ITPR2: variants seen among roughly 807,000 people sequenced by gnomAD.
ITPR2 encodes the protein inositol 1,4,5-trisphosphate-gated calcium channel ITPR2.
ITPR2 carries 207 observed loss-of-function variants against 317.1 expected under a neutral mutation model. That is an observed-to-expected ratio of 0.65 (90% CI 0.58 to 0.73). ITPR2 has a LOEUF of 0.73. Ranked by LOEUF, ITPR2 falls within the 30% of genes least tolerant of loss-of-function variation. ITPR2 has a pLI of 0.00. For synonymous variants in ITPR2, 1,156 were observed against 1,149.1 expected (o/e 1.01, Z -0.12); for missense variants, 2,613 against 3,284.0 (o/e 0.80, Z 4.99).
chr12:26,658,269 G>A (rs1947419288), intron 16 of ITPR2, 139 bp from the exon 17 acceptor site: 2 of 490,488 alleles, frequency 4.1e-6, no homozygotes, highest in South Asian at 6.2e-5. Context: ...TTTGTCTAAT[G>A]TGTTGTTTAT....
chr12:26,502,575 G>A (rs1164533595), intron 37 of ITPR2, among the ~76,000 whole-genome samples: 5 of 152,152 alleles, frequency 3.3e-5, no homozygotes, highest in Admixed American at 2.6e-4. Context: ...TGTCAGTGCA[G>A]GCGTGTGCAT....
At position 26,391,555 on chromosome 12, in the gene ITPR2, C is replaced by CTTTTTTTTTTTTT. The variant is rs1491173931; in HGVS notation, c.7697-3962_7697-3961insAAAAAAAAAAAAA. 1.8e-3 allele frequency among the ~76,000 whole-genome samples: 127 copies of CTTTTTTTTTTTTT among 70,854 alleles called. 32 individuals are homozygous for CTTTTTTTTTTTTT. Among genetic ancestry groups the CTTTTTTTTTTTTT allele is most frequent in the African/African-American group, 2.8e-3 (52 of 18,640 alleles). The allele number at this position is 70,854 out of a possible 152,430, so 46.5% of individuals were successfully genotyped here. A position where few individuals can be genotyped will look rare whatever the true frequency, so the allele number is the denominator to read the frequency against. Reference sequence around the variant, plus strand: ...AGCTTCTTCTTCTTCTTCTTCTTTTCCTTTTTTTTTTTTTTTTTTTTTTTT... The same window carrying CTTTTTTTTTTTTT: ...AGCTTCTTCTTCTTCTTCTTCTTTTCTTTTTTTTTTTTTCTTTTTTTTTTTTTTTTTTTTTTTT... On this transcript the variant is annotated intron_variant, in intron 54 of 56. Transcript: ENST00000381340.
At chr12:26,396,684 T>G (rs557393941) in intron 54 of ITPR2, among the ~76,000 whole-genome samples, 6 of 152,228 alleles carry the variant, frequency 3.9e-5, no homozygotes, top group Admixed American at 3.9e-4. Flanking sequence ...AGTTATAGTC[T>G]CCAGCGAAGA....
chr12:26,745,602 A>G (rs1949308005), intron 2 of ITPR2, among the ~76,000 whole-genome samples: 1 of 152,236 alleles, frequency 6.6e-6, no homozygotes, highest in Non-Finnish European at 1.5e-5. Flanking sequence ...CAAATTCCTC[A>G]CTTACCAAAG....
chr12:26,519,853 C>T (rs191663160), intron 37 of ITPR2, among the ~76,000 whole-genome samples: 5 of 151,958 alleles, frequency 3.3e-5, no homozygotes, highest in African/African-American at 7.2e-5. Context: ...GCAAAATCAA[C>T]GAGATATATT....
intron 55 of ITPR2, among the ~76,000 whole-genome samples, chr12:26,352,055 C>T (rs1028620494): frequency 1.3e-5 from 2 of 152,138 alleles, no homozygotes; most frequent in Non-Finnish European, 2.9e-5. Context: ...ATCTGAAGCT[C>T]CTTCCTGTAT....
chr12:26,589,660 G>T (rs942408574), intron 32 of ITPR2, among the ~76,000 whole-genome samples: 2 of 149,510 alleles, frequency 1.3e-5, no homozygotes, highest in African/African-American at 4.9e-5. Flanking sequence ...GGTGGCGGGG[G>T]CCTATACTCC....
intron 31 of ITPR2, among the ~76,000 whole-genome samples, 159 bp downstream of exon 31, chr12:26,596,724 T>C (rs1164952768): frequency 6.6e-6 from 1 of 152,034 alleles, no homozygotes. Flanking sequence ...AGACCTTCTA[T>C]GCTCTTTTAC....
At chr12:26,824,193 T>C (rs1373347537) in intron 1 of ITPR2, among the ~76,000 whole-genome samples, 4 of 152,198 alleles carry the variant, frequency 2.6e-5, no homozygotes, top group African/African-American at 9.6e-5. Context: ...AATAAAAGTG[T>C]TGAATATCTC....
At chr12:26,671,163 A>G (rs1222706640) in intron 13 of ITPR2, among the ~76,000 whole-genome samples, 3 of 152,116 alleles carry the variant, frequency 2.0e-5, no homozygotes, top group African/African-American at 4.8e-5. Flanking sequence ...AATCTAGCAA[A>G]GCAGGACAAC....
At chr12:26,665,819 C>G in intron 14 of ITPR2, 91 bp downstream of exon 14, 1 of 1,149,996 alleles carries the variant, frequency 8.7e-7, no homozygotes, top group Non-Finnish European at 1.2e-6. Flanking sequence ...GGATCATTTG[C>G]TTCATAGTAA....
At chr12:26,795,328 T>C (rs1013247907) in intron 1 of ITPR2, among the ~76,000 whole-genome samples, 7 of 152,210 alleles carry the variant, frequency 4.6e-5, no homozygotes, top group African/African-American at 1.7e-4. Flanking sequence ...GTAGAATACA[T>C]GGATGATGAT....
intron 13 of ITPR2, among the ~76,000 whole-genome samples, chr12:26,668,936 T>C (rs902804730): frequency 2.6e-5 from 4 of 151,960 alleles, no homozygotes; most frequent in South Asian, 2.1e-4. Context: ...CAGGGCAACA[T>C]AGTGAAACCC....
In ITPR2 at chr12:26,597,244, T is replaced by C; in HGVS notation, c.4003-110A>G. 8 of 1,190,498 alleles carry C rather than the reference T, an allele frequency of 6.7e-6. No homozygotes were observed. In the South Asian group the frequency reaches 8.0e-5, roughly 12 times the overall value. The allele number at this position is 1,190,498 out of a possible 1,614,324, so 73.7% of individuals were successfully genotyped here. On this transcript the variant is annotated intron_variant, in intron 30 of 56. Coordinates refer to ENST00000381340, the MANE Select transcript of ITPR2 (RefSeq NM_002223.4). ...ACGTATATCTCTTCGTAAAAACATA[T>C]ATAATACGGCAAAGACAGAGCTATG...
At chr12:26,393,325 A>G (rs915321655) in intron 54 of ITPR2, among the ~76,000 whole-genome samples, 1 of 152,172 alleles carries the variant, frequency 6.6e-6, no homozygotes. Flanking sequence ...AAATATCCCA[A>G]CCATTTAAAT....
At chr12:26,795,832 A>C (rs548029837) in intron 1 of ITPR2, among the ~76,000 whole-genome samples, 3 of 152,246 alleles carry the variant, frequency 2.0e-5, no homozygotes, top group African/African-American at 7.2e-5. Context: ...AAAAAATACA[A>C]AAATTAGCAG....
At chr12:26,394,920 C>T (rs1036360675) in intron 54 of ITPR2, among the ~76,000 whole-genome samples, 3 of 152,014 alleles carry the variant, frequency 2.0e-5, no homozygotes, top group African/African-American at 4.8e-5. Context: ...CCTCAGATAA[C>T]TGAAGGCACT....
chr12:26,365,411 T>C (rs910620099), intron 55 of ITPR2, among the ~76,000 whole-genome samples: 4 of 152,156 alleles, frequency 2.6e-5, no homozygotes, highest in African/African-American at 9.7e-5. Context: ...TGTATTTTTT[T>C]CTCCTTGGCG....
At chr12:26,419,989 C>T (rs1019889761) in intron 49 of ITPR2, 6 of 151,926 alleles carry the variant, frequency 3.9e-5, no homozygotes, top group African/African-American at 1.5e-4. Context: ...ATTCAATAAA[C>T]ATTTTGGAGT....
Sources: gnomAD v4.1 joint callset for allele counts (sites outside exome capture counted in the v4.1 genomes callset) on GRCh38, gnomAD v4.1.1 for gene constraint, MANE v1.5 for transcripts, NCBI Gene and HGNC (gene_info 2026-07-23, HGNC 2026-07-21) for gene names.